The following PLXND1 variants were observed in gnomAD, a reference collection of about 807,000 sequenced individuals.
The protein encoded by PLXND1 is plexin D1, also known as plexin-D1.
Under a neutral mutation model 197.7 loss-of-function variants are expected in PLXND1, and 54 were observed. The ratio of observed to expected loss-of-function variants is 0.27; its 90% CI spans 0.22 to 0.34. PLXND1 has a LOEUF of 0.34. Among genes scored for constraint, PLXND1 ranks in the 10% least tolerant of loss-of-function variants. The pLI is 1.00. For missense variants in PLXND1, 2,127 were observed against 2,699.2 expected (o/e 0.79, Z 4.70); for synonymous variants, 1,180 against 1,161.2 (o/e 1.02, Z -0.33).
chr3:129,556,958 C>T (rs2084983419), intron 34 of PLXND1, 125 bp downstream of exon 34: 7 of 1,082,556 alleles, frequency 6.5e-6, no homozygotes, highest in Admixed American at 2.2e-5. Context: ...CAAGAGGCCA[C>T]AGCCACTTCT....
At chr3:129,594,981 G>A (rs1057457678) in intron 1 of PLXND1, among the ~76,000 whole-genome samples, 2 of 152,012 alleles carry the variant, frequency 1.3e-5, no homozygotes, top group South Asian at 4.1e-4. Flanking sequence ...GGCCCTTGAA[G>A]CCCCACTCAA....
Position 129,558,631 on chromosome 3 carries a change from G to A in PLXND1, c.5298-56C>T. ...GTAGGGTGGGGTAGGAAGCAGTCGA[G>A]GGACAGTTGTGGAGGAGAGAGCTGG... is the stretch of plus-strand genomic sequence containing the variant. On this transcript the variant is annotated intron_variant, in intron 32 of 35. Coordinates refer to ENST00000324093, the MANE Select transcript of PLXND1 (RefSeq NM_015103.3). This position sits in a 1 kb window ranked among gnomAD's most constrained non-coding sequence, Gnocchi z 4.1. 1.9e-6 allele frequency: 3 copies of A among 1,558,194 alleles called. No homozygotes were observed. The highest frequency in any genetic ancestry group is 2.6e-6 in the Non-Finnish European group (3 of 1,136,680).
In PLXND1 at chr3:129,586,215, C is replaced by T. The variant is rs780063050; in HGVS notation, c.1678G>A (p.Gly560Ser). Residue 560 changes from glycine (G) to serine (S), a missense_variant, in exon 4 of 36, where the codon GGT (glycine) becomes AGT (serine). Physicochemically the swap from Gly to Ser is moderately conservative, Grantham distance 56 (BLOSUM62 0). This residue lies in a region of PLXND1 where 1,095 missense variants were observed against 1,259.8 expected (regional missense o/e 0.87). Coordinates refer to ENST00000324093, the MANE Select transcript of PLXND1 (RefSeq NM_015103.3). ...NVHSTCGDCV[G>S]AADAYCGWCA... ...CAGCCGCAGTAGGCGTCCGCCGCACCCACGCAGTCCCCACAGGTGGAGTGC... is the reference window on the plus strand; with the variant it reads ...CAGCCGCAGTAGGCGTCCGCCGCACTCACGCAGTCCCCACAGGTGGAGTGC... The T allele has an allele frequency of 7.5e-6, 12 of 1,602,600 alleles. No individual in the cohort carries two copies. The highest frequency in any genetic ancestry group is 1.0e-5 in the Non-Finnish European group (12 of 1,178,148).
Position 129,606,375 on chromosome 3 carries a change from G to A in PLXND1, c.265C>T (p.Leu89=), listed in dbSNP as rs570352010. 1 of 1,502,136 alleles carries A rather than the reference G, an allele frequency of 6.7e-7. No homozygotes were observed. The highest frequency in any genetic ancestry group is 1.5e-5 in the African/African-American group (1 of 68,674). The allele number at this position is 1,502,136 out of a possible 1,614,324, so 93.1% of individuals were successfully genotyped here. The change falls in exon 1 of 36, where the codon CTG becomes TTG. Residue 89 remains leucine (L), a synonymous_variant. Coordinates refer to ENST00000324093, the MANE Select transcript of PLXND1 (RefSeq NM_015103.3). ...LYQLSGANLS[L]EAEAAVGPVP... Reference sequence around the variant, plus strand: ...GGGCCCACGGCCGCCTCGGCCTCCAGGCTCAGGTTGGCGCCCGACAGCTGA... The same window carrying A: ...GGGCCCACGGCCGCCTCGGCCTCCAAGCTCAGGTTGGCGCCCGACAGCTGA...
intron 20 of PLXND1, chr3:129,569,533 C>A: frequency 3.2e-6 from 1 of 313,420 alleles, no homozygotes; most frequent in Non-Finnish European, 6.1e-6. Flanking sequence ...CCTGAGTAAT[C>A]CTCTCTTAAG....
At chr3:129,560,517 T>C (rs2085042010) in intron 30 of PLXND1, 83 bp from the exon 31 acceptor site, 1 of 1,052,332 alleles carries the variant, frequency 9.5e-7, no homozygotes, top group African/African-American at 1.6e-5. Context: ...CCATGCTTCT[T>C]AGCACACAAG....
In PLXND1 at chr3:129,575,819, T is replaced by C. The variant is rs2085305990; in HGVS notation, c.2383A>G (p.Ile795Val). The change falls in exon 10 of 36, where the codon ATC (isoleucine) becomes GTC (valine). Residue 795 changes from isoleucine (I) to valine (V), a missense_variant. Ile to Val is a conservative substitution (Grantham distance 29). Coordinates refer to ENST00000324093, the MANE Select transcript of PLXND1 (RefSeq NM_015103.3). Reference sequence around the variant, plus strand: ...TCATTCACCCACACAGCCTCGAAGATCTCCTCCAGCCCAAAACTACACTCC... The same window carrying C: ...TCATTCACCCACACAGCCTCGAAGACCTCCTCCAGCCCAAAACTACACTCC... ...ALECSFGLEEIFEAVWVNESV... is the reference protein window; with the variant it reads ...ALECSFGLEEVFEAVWVNESV... 1 of 1,613,352 alleles carries C rather than the reference T, an allele frequency of 6.2e-7. No homozygotes were observed. The highest frequency in any genetic ancestry group is 2.2e-5 in the East Asian group (1 of 44,850).
At chr3:129,589,310 T>TGCCCCC in intron 2 of PLXND1, 41 bp downstream of exon 2, 6 of 501,292 alleles carry the variant, frequency 1.2e-5, no homozygotes, top group East Asian at 5.1e-5. Context: ...CAGGGGAGCC[T>TGCCCCC]CCCACCCCCA....
intron 20 of PLXND1, 25 bp from the exon 21 acceptor site, chr3:129,567,830 A>T: frequency 2.8e-6 from 4 of 1,423,822 alleles, no homozygotes; most frequent in Non-Finnish European, 3.9e-6. Context: ...GAGGCAGGTC[A>T]GGCCTCTGGT....
chr3:129,567,403 G>T, intron 22 of PLXND1, 89 bp downstream of exon 22: 1 of 774,120 alleles, frequency 1.3e-6, no homozygotes, highest in Non-Finnish European at 2.2e-6. Flanking sequence ...CACTGCTCAA[G>T]GGACCCTATA....
At position 129,560,336 on chromosome 3, in the gene PLXND1, G is replaced by A. The variant is rs2085038520; in HGVS notation, c.5127C>T (p.Ser1709=). The A allele has an allele frequency of 1.9e-6, 3 of 1,605,088 alleles. No individual in the cohort carries two copies. In the South Asian group the frequency reaches 3.3e-5, roughly 18 times the overall value. Reference sequence around the variant, plus strand: ...AGACTGAGGCCGGACTCACCTTGGTGGAGAGCAGGCGGGTCAGGTAGATTT... The same window carrying A: ...AGACTGAGGCCGGACTCACCTTGGTAGAGAGCAGGCGGGTCAGGTAGATTT... ...LPEIYLTRLL[S]TKGTLQKFLD... is the part of the protein sequence containing the mutation. Residue 1709 remains serine (S), a synonymous_variant, in exon 31 of 36, where the codon TCC becomes TCT. Transcript: ENST00000324093.
Position 129,560,057 on chromosome 3 carries a change from C to T in PLXND1, c.5133+273G>A, listed in dbSNP as rs181059038. On this transcript the variant is annotated intron_variant, in intron 31 of 35. Transcript: ENST00000324093. Reference sequence around the variant, plus strand: ...CCACTGAGCCACGTGGCCTTGGGGACATCACTGATCCCTCTGGGCCTCTGC... The same window carrying T: ...CCACTGAGCCACGTGGCCTTGGGGATATCACTGATCCCTCTGGGCCTCTGC... Among the ~76,000 whole-genome samples, 399 of 152,332 alleles carry T rather than the reference C, an allele frequency of 2.6e-3. 2 individuals carry two copies. Among genetic ancestry groups the T allele is most frequent in the African/African-American group, 8.1e-3 (336 of 41,572 alleles).
rs752975352 is a variant in PLXND1 at position 129,584,372 on chromosome 3, A to C, written c.2029+13T>G. The stretch of plus-strand genomic sequence containing the variant: ...GCCCCTCTGGGGCTGTGCCAACAGC[A>C]CAGCGTGCTTACCCTGGTTGGGGGG... On this transcript the variant is annotated intron_variant, in intron 6 of 35. Transcript: ENST00000324093. The C allele has an allele frequency of 6.2e-7, 1 of 1,610,512 alleles. No homozygotes were observed. Among genetic ancestry groups the C allele is most frequent in the South Asian group, 1.1e-5 (1 of 90,588 alleles).
At chr3:129,581,448 A>C (rs7610060) in intron 8 of PLXND1, among the ~76,000 whole-genome samples, 78,885 of 152,022 alleles carry the variant, frequency 0.52, 23,531 homozygotes, top group Non-Finnish European at 0.68. Context: ...ACCCAGCACG[A>C]AGGTCCCCTC....
intron 8 of PLXND1, 101 bp from the exon 9 acceptor site, chr3:129,578,534 T>C: frequency 1.4e-6 from 1 of 708,340 alleles, no homozygotes; most frequent in Non-Finnish European, 2.4e-6. Context: ...CCTGCCTTCC[T>C]GAGGAGAAAA....
Position 129,586,057 on chromosome 3 carries a change from G to C in PLXND1, c.1746C>G (p.Thr582=). ...TCCAGAAATGCTGCTGGCTGGAATT[G>C]GTGCAGTCCTGCTGCAAGGTGCACC... The part of the protein sequence containing the change: ...ETRCTLQQDC[T]NSSQQHFWTS... The change falls in exon 5 of 36, where the codon ACC becomes ACG. Residue 582 remains threonine (T), a synonymous_variant. Coordinates refer to ENST00000324093, the MANE Select transcript of PLXND1 (RefSeq NM_015103.3). 1 of 1,613,984 alleles carries C rather than the reference G, an allele frequency of 6.2e-7. No homozygotes were observed. Among genetic ancestry groups the C allele is most frequent in the East Asian group, 2.2e-5 (1 of 44,886 alleles).
Position 129,560,368 on chromosome 3 carries a change from G to C in PLXND1, c.5095C>G (p.Leu1699Val). Residue 1699 changes from leucine to valine, a missense_variant, in exon 31 of 36, where the codon CTC (leucine) becomes GTC (valine). This residue lies in a region of PLXND1 where 200 missense variants were observed against 303.3 expected (regional missense o/e 0.66). Transcript: ENST00000324093. ...SHRQSHRKKV[L>V]PEIYLTRLLS... ...AGGCGGGTCAGGTAGATTTCCGGGA[G>C]CACCTTCTTGCGATGGCTCTGCCGG... 1 of 1,613,920 alleles carries C rather than the reference G, an allele frequency of 6.2e-7. No individual in the cohort carries two copies.
rs1250580577 is a variant in PLXND1 at position 129,557,458 on chromosome 3, T to C, written c.5446-235A>G. ...TTCCCCAGGACTGTTAGGACAATGA[T>C]GTGGGTGGGGAGGGGCCCTACTTCT... On this transcript the variant is annotated intron_variant, in intron 33 of 35. Coordinates refer to ENST00000324093, the MANE Select transcript of PLXND1 (RefSeq NM_015103.3). The surrounding 1 kb of genome is among the most constrained non-coding windows in gnomAD (Gnocchi z 4.8). Among the ~76,000 whole-genome samples, 1 of 147,132 alleles carries C rather than the reference T, an allele frequency of 6.8e-6. No individual in the cohort carries two copies.
At chr3:129,593,743 G>C (rs1274144202) in intron 1 of PLXND1, among the ~76,000 whole-genome samples, 2 of 152,204 alleles carry the variant, frequency 1.3e-5, no homozygotes, top group African/African-American at 4.8e-5. Context: ...TCTGCGTGTG[G>C]CAACAAAGGG....
Sources: allele counts gnomAD v4.1 joint callset (sites outside exome capture counted in the v4.1 genomes callset), GRCh38; gene constraint gnomAD v4.1.1; regional missense constraint gnomAD v4.1.1; non-coding constraint Gnocchi (gnomAD v3.1); transcripts MANE v1.5; gene names NCBI Gene and HGNC (gene_info 2026-07-23, HGNC 2026-07-21).